Variants in LRRC4C observed in about 807,000 individuals in gnomAD.
LRRC4C encodes the protein leucine-rich repeat-containing protein 4C.
Under a neutral mutation model 33.6 loss-of-function variants are expected in LRRC4C, and 5 were observed. That is an observed-to-expected ratio of 0.15 (90% CI 0.08 to 0.31). The LOEUF (loss-of-function observed/expected upper bound fraction) is 0.31. Ranked by LOEUF, LRRC4C falls within the 10% of genes least tolerant of loss-of-function variation. LRRC4C has a pLI of 1.00. For synonymous variants in LRRC4C, 329 were observed against 302.0 expected (o/e 1.09, Z -0.93); for missense variants, 560 against 796.7 (o/e 0.70, Z 3.58).
chr11:40,974,805 T>A (rs747507529), intron 1 of LRRC4C, among the ~76,000 whole-genome samples: 4 of 152,168 alleles, frequency 2.6e-5, no homozygotes, highest in Non-Finnish European at 5.9e-5. Context: ...GAGAGCAAAG[T>A]GTTTCCTTGT....
intron 1 of LRRC4C, among the ~76,000 whole-genome samples, chr11:41,098,096 T>A (rs1434207929): frequency 6.6e-6 from 1 of 151,986 alleles, no homozygotes; most frequent in Non-Finnish European, 1.5e-5. Flanking sequence ...CCAAATAACA[T>A]GACTCACCCC....
chr11:40,586,924 GTTCT>G (rs1231998298), intron 3 of LRRC4C, among the ~76,000 whole-genome samples: 1 of 152,102 alleles, frequency 6.6e-6, no homozygotes, highest in East Asian at 1.9e-4. Flanking sequence ...CTCCAGCTTT[GTTCT>G]TTTGGCTTAG....
intron 2 of LRRC4C, among the ~76,000 whole-genome samples, chr11:40,750,926 A>C (rs1485485381): frequency 6.6e-6 from 1 of 152,172 alleles, no homozygotes; most frequent in Non-Finnish European, 1.5e-5. Context: ...ACACCATGAC[A>C]AGTGGTATTT....
intron 4 of LRRC4C, among the ~76,000 whole-genome samples, chr11:40,282,651 C>T (rs987152303): frequency 2.0e-5 from 3 of 152,072 alleles, no homozygotes; most frequent in African/African-American, 2.4e-5. Flanking sequence ...AACACAAATA[C>T]TCCAGTTCAA....
chr11:41,192,502 T>A (rs1678299822), intron 1 of LRRC4C, among the ~76,000 whole-genome samples: 2 of 151,802 alleles, frequency 1.3e-5, no homozygotes, highest in African/African-American at 4.8e-5. Context: ...AAAGAATGAA[T>A]CAGTACCCCT....
chr11:41,373,924 A>C (rs1370723506), intron 1 of LRRC4C, among the ~76,000 whole-genome samples: 1 of 152,198 alleles, frequency 6.6e-6, no homozygotes, highest in Non-Finnish European at 1.5e-5. Flanking sequence ...CATGTGCCCT[A>C]TTTGTTTAAA....
chr11:41,277,107 G>T (rs1260403740), intron 1 of LRRC4C, among the ~76,000 whole-genome samples: 1 of 152,122 alleles, frequency 6.6e-6, no homozygotes, highest in Non-Finnish European at 1.5e-5. Flanking sequence ...CTTACAAAAG[G>T]CTTTGACACA....
intron 5 of LRRC4C, among the ~76,000 whole-genome samples, chr11:40,159,265 A>G (rs1399426082): frequency 6.6e-6 from 1 of 152,176 alleles, no homozygotes; most frequent in Non-Finnish European, 1.5e-5. Flanking sequence ...CAGGTTAATG[A>G]GCACAGAGCA....
chr11:40,993,856 A>G (rs1203939259), intron 1 of LRRC4C, among the ~76,000 whole-genome samples: 1 of 152,184 alleles, frequency 6.6e-6, no homozygotes, highest in African/African-American at 2.4e-5. Flanking sequence ...TCATAGGAAC[A>G]TAACAATTTG....
At chr11:40,548,859 C>T (rs1957028415) in intron 3 of LRRC4C, among the ~76,000 whole-genome samples, 2 of 152,092 alleles carry the variant, frequency 1.3e-5, no homozygotes, top group Admixed American at 1.3e-4. Flanking sequence ...ACTCCCTGTA[C>T]CCACCTGCTT....
intron 1 of LRRC4C, among the ~76,000 whole-genome samples, chr11:41,359,490 T>C (rs550679206): frequency 3.3e-5 from 5 of 152,162 alleles, no homozygotes; most frequent in Non-Finnish European, 5.9e-5. Flanking sequence ...AATTTTTCTG[T>C]CAGCCTAAAA....
intron 1 of LRRC4C, among the ~76,000 whole-genome samples, chr11:41,016,245 C>A (rs1009558305): frequency 1.3e-5 from 2 of 151,944 alleles, no homozygotes; most frequent in African/African-American, 4.8e-5. Context: ...GGGTTTAATG[C>A]ATTTCTGTAT....
intron 1 of LRRC4C, among the ~76,000 whole-genome samples, chr11:41,230,005 CT>C (rs1947712193): frequency 6.6e-6 from 1 of 151,840 alleles, no homozygotes; most frequent in African/African-American, 2.4e-5. Flanking sequence ...CCTTTTTGCT[CT>C]TTCTATTTCA....
intron 2 of LRRC4C, among the ~76,000 whole-genome samples, chr11:40,751,248 G>A (rs142980339): frequency 2.0e-5 from 3 of 152,128 alleles, no homozygotes; most frequent in East Asian, 3.9e-4. Flanking sequence ...ATTCTACATC[G>A]TACTTGATGT....
chr11:40,540,664 A>G (rs938538247), intron 3 of LRRC4C, among the ~76,000 whole-genome samples: 1 of 152,152 alleles, frequency 6.6e-6, no homozygotes, highest in Non-Finnish European at 1.5e-5. Flanking sequence ...AAAAAAAAAT[A>G]TCAAGTATAT....
intron 2 of LRRC4C, among the ~76,000 whole-genome samples, chr11:40,907,455 T>C (rs542042712): frequency 2.8e-4 from 43 of 152,330 alleles, no homozygotes; most frequent in Admixed American, 6.5e-4. Flanking sequence ...AACAGGCTAT[T>C]GGAGTTCATA....
At chr11:40,268,090 T>C (rs1942418981) in intron 4 of LRRC4C, among the ~76,000 whole-genome samples, 1 of 152,202 alleles carries the variant, frequency 6.6e-6, no homozygotes, top group South Asian at 2.1e-4. Context: ...TGTATCCTTG[T>C]TATATCACCA....
In LRRC4C at chr11:40,779,453, T is replaced by G. The variant is rs554427743; in HGVS notation, c.-406-131175A>C. ...CATAATATATTGATTAATTGAAATA[T>G]AAATCAGAGAAAACAAAAAATTAAT... On this transcript the variant is annotated intron_variant, in intron 2 of 6. Transcript: ENST00000528697. 2.6e-5 allele frequency among the ~76,000 whole-genome samples: 4 copies of G among 152,296 alleles called. No homozygotes were observed. The South Asian group carries it at 8.3e-4, about 32-fold the overall frequency.
chr11:40,762,992 A>G, intron 2 of LRRC4C, among the ~76,000 whole-genome samples: 1 of 151,220 alleles, frequency 6.6e-6, no homozygotes, highest in Non-Finnish European at 1.5e-5. Flanking sequence ...GCTTGGCTCA[A>G]AAATAAGAAA....
Sources: gnomAD v4.1 joint callset for allele counts (sites outside exome capture counted in the v4.1 genomes callset) on GRCh38, gnomAD v4.1.1 for gene constraint, MANE v1.5 for transcripts, NCBI Gene and HGNC (gene_info 2026-07-23, HGNC 2026-07-21) for gene names.